Variants in MEI1 observed in about 807,000 individuals in gnomAD.
MEI1 encodes meiotic double-stranded break formation protein 1, also known as meiosis inhibitor protein 1.
Under a neutral mutation model 146.2 loss-of-function variants are expected in MEI1, and 103 were observed. The ratio of observed to expected loss-of-function variants is 0.70; its 90% CI spans 0.60 to 0.83. The LOEUF (loss-of-function observed/expected upper bound fraction) is 0.83. Ranked by LOEUF, MEI1 falls within the 40% of genes least tolerant of loss-of-function variation. The probability of loss-of-function intolerance (pLI) is 0.00; values close to 1 mark genes in which losing one functional copy is unlikely to be tolerated. For missense variants in MEI1, 1,529 were observed against 1,533.0 expected (o/e 1.00, Z 0.04); for synonymous variants, 652 against 628.2 (o/e 1.04, Z -0.57).
At chr22:41,735,422 C>T (rs568427251) in intron 11 of MEI1, among the ~76,000 whole-genome samples, 1 of 151,948 alleles carries the variant, frequency 6.6e-6, no homozygotes, top group African/African-American at 2.4e-5. Flanking sequence ...TTAGTAGAGA[C>T]GGGGTTTCTC....
At chr22:41,749,533 C>T (rs1330618352) in intron 15 of MEI1, among the ~76,000 whole-genome samples, 1 of 152,190 alleles carries the variant, frequency 6.6e-6, no homozygotes, top group Non-Finnish European at 1.5e-5. Flanking sequence ...CCTTGACCTC[C>T]CAAAGTGCTG....
chr22:41,766,857 G>A (rs935254699), intron 19 of MEI1, among the ~76,000 whole-genome samples: 12 of 152,170 alleles, frequency 7.9e-5, no homozygotes, highest in African/African-American at 2.9e-4. Context: ...AGAATTACTC[G>A]TGTAGATTCA....
At chr22:41,772,181 T>C (rs1340877905) in intron 20 of MEI1, among the ~76,000 whole-genome samples, 2 of 152,156 alleles carry the variant, frequency 1.3e-5, no homozygotes, top group African/African-American at 4.8e-5. Context: ...ACAGTGACAT[T>C]TGTATATCTA....
chr22:41,744,266 G>A lies in MEI1; in HGVS notation c.1447-707G>A, dbSNP rs569204059. Among the ~76,000 whole-genome samples, 4 of 152,106 alleles carry A rather than the reference G, an allele frequency of 2.6e-5. No individual in the cohort carries two copies. In the South Asian group the frequency reaches 8.3e-4, roughly 32 times the overall value. ...GCTCACTGCAACCTTCGCCTCCGGG[G>A]TTCAAGCAATTCTCCTGCCTCAGCC... On this transcript the variant is annotated intron_variant, in intron 12 of 30. Transcript: ENST00000401548.
At chr22:41,799,169 C>A in intron 30 of MEI1, 85 bp from the exon 31 acceptor site, 3 of 1,323,416 alleles carry the variant, frequency 2.3e-6, no homozygotes, top group South Asian at 1.2e-5. Flanking sequence ...CCTGACCATT[C>A]TTGACTGTTT....
chr22:41,776,538 G>T (rs1187136082), intron 21 of MEI1, among the ~76,000 whole-genome samples: 1 of 152,218 alleles, frequency 6.6e-6, no homozygotes, highest in East Asian at 1.9e-4. Flanking sequence ...CATGTGCTCA[G>T]TGTTGTTTGT....
In MEI1 at chr22:41,794,466, C is replaced by G. The variant is rs1304858702; in HGVS notation, c.3523C>G (p.Leu1175Val). 6.2e-7 allele frequency: 1 copy of G among 1,613,220 alleles called. No homozygotes were observed. The highest frequency in any genetic ancestry group is 8.5e-7 in the Non-Finnish European group (1 of 1,179,214). The stretch of plus-strand genomic sequence containing the variant: ...CTTCCTCAGACCTGAGATTTTGAGG[C>G]TCATGACCCTGGTAAGTGCAGAAAG... The part of the protein sequence containing the change: ...NSFLRPEILR[L>V]MTLFMRYRSS... The change falls in exon 28 of 31, where the codon CTC (leucine) becomes GTC (valine). Residue 1175 changes from leucine (L) to valine (V), a missense_variant. Coordinates refer to ENST00000401548, the MANE Select transcript of MEI1 (RefSeq NM_152513.4).
rs766469568 is a variant in MEI1 at position 41,784,372 on chromosome 22, G to C, written c.3121G>C (p.Val1041Leu). Residue 1041 changes from valine (V) to leucine (L), a missense_variant, in exon 25 of 31, where the codon GTA becomes CTA. Val to Leu is a conservative substitution (Grantham distance 32). Around this residue, in one of 3 missense-constraint regions of MEI1, gnomAD observed 313 missense variants for 337.3 expected, o/e 0.93. Transcript: ENST00000401548. ...HQTLSVEMDQ[V>L]LKALSFPKKK... ...GACACTCTCTGTGGAAATGGACCAAGTATTGAAGGCTCTCAGCTTTCCAAA... is the reference window on the plus strand; with the variant it reads ...GACACTCTCTGTGGAAATGGACCAACTATTGAAGGCTCTCAGCTTTCCAAA... 6.2e-6 allele frequency: 10 copies of C among 1,613,960 alleles called. No homozygotes were observed. The highest frequency in any genetic ancestry group is 5.9e-6 in the Non-Finnish European group (7 of 1,179,884).
chr22:41,709,159 A>G (rs772543244), intron 3 of MEI1: 2 of 731,884 alleles, frequency 2.7e-6, no homozygotes, highest in Non-Finnish European at 4.9e-6. Context: ...ACTTGATAAA[A>G]AATAGTATTT....
In MEI1 at chr22:41,730,525, C is replaced by T. The variant is rs1408889646; in HGVS notation, c.984C>T (p.Phe328=). Residue 328 remains phenylalanine (F), a synonymous_variant, in exon 9 of 31, where the codon TTC becomes TTT. Coordinates refer to ENST00000401548, the MANE Select transcript of MEI1 (RefSeq NM_152513.4). ...TCTCATCCTCTCCCTTGTTAGAGTT[C>T]CTCTTTGAGCATCTTTCTTCTTCCA... ...SAFIHADIPE[F]LFEHLSSSSE... 6.2e-7 allele frequency: 1 copy of T among 1,609,760 alleles called. No individual in the cohort carries two copies. Among genetic ancestry groups the T allele is most frequent in the Non-Finnish European group, 8.5e-7 (1 of 1,176,130 alleles).
chr22:41,731,477 C>T (rs187873564), intron 9 of MEI1, among the ~76,000 whole-genome samples: 47 of 152,312 alleles, frequency 3.1e-4, no homozygotes, highest in African/African-American at 1.1e-3. Context: ...GCCTCAGCCT[C>T]CCAGGTAGCT....
At position 41,706,210 on chromosome 22, in the gene MEI1, G is replaced by A. The variant is rs566990904; in HGVS notation, c.349+656G>A. The stretch of plus-strand genomic sequence containing the variant: ...AAAAAATTTCTTTTCGTTGAGACAG[G>A]GACTTACCATATTGACTAGGCTGGT... On this transcript the variant is annotated intron_variant, in intron 3 of 30. Coordinates refer to ENST00000401548, the MANE Select transcript of MEI1 (RefSeq NM_152513.4). 6.6e-5 allele frequency among the ~76,000 whole-genome samples: 10 copies of A among 152,136 alleles called. No homozygotes were observed. The East Asian group carries it at 1.9e-3, about 29-fold the overall frequency.
At chr22:41,723,651 A>T (rs957738784) in intron 6 of MEI1, among the ~76,000 whole-genome samples, 1 of 152,148 alleles carries the variant, frequency 6.6e-6, no homozygotes, top group Admixed American at 6.6e-5. Flanking sequence ...GAAAAAACTC[A>T]CATTATTCCT....
At chr22:41,768,582 G>A (rs1227169566) in intron 19 of MEI1, among the ~76,000 whole-genome samples, 2 of 152,138 alleles carry the variant, frequency 1.3e-5, no homozygotes, top group Admixed American at 6.6e-5. Flanking sequence ...AGTTTCACAG[G>A]CTATACAGGA....
chr22:41,769,376 T>C (rs1022485194), intron 19 of MEI1, among the ~76,000 whole-genome samples: 9 of 152,150 alleles, frequency 5.9e-5, no homozygotes, highest in Non-Finnish European at 1.5e-5. Context: ...AAGAATGAAG[T>C]TGGACTCTTA....
chr22:41,726,798 G>T (rs2071397773), intron 7 of MEI1, among the ~76,000 whole-genome samples: 1 of 150,930 alleles, frequency 6.6e-6, no homozygotes, highest in African/African-American at 2.4e-5. Flanking sequence ...TTTTGAGATG[G>T]AGTCTCGCTC....
chr22:41,742,280 C>T lies in MEI1; in HGVS notation c.1332-800C>T, dbSNP rs541444726. On this transcript the variant is annotated intron_variant, in intron 11 of 30. Transcript: ENST00000401548. ...ATCTCTGGATCTTAGTAACATTTACCTGTTGATCCTGGTTTTCCTCGTTGA... is the reference window on the plus strand; with the variant it reads ...ATCTCTGGATCTTAGTAACATTTACTTGTTGATCCTGGTTTTCCTCGTTGA... 5.3e-5 allele frequency among the ~76,000 whole-genome samples: 8 copies of T among 152,208 alleles called. No individual in the cohort carries two copies. In the East Asian group the frequency reaches 1.5e-3, roughly 29 times the overall value.
intron 8 of MEI1, 76 bp from the exon 9 acceptor site, chr22:41,730,443 TCC>T: frequency 1.1e-6 from 1 of 943,066 alleles, no homozygotes; most frequent in Non-Finnish European, 1.7e-6. Flanking sequence ...GCTGAATAAA[TCC>T]AAGGCCTTAG....
intron 7 of MEI1, among the ~76,000 whole-genome samples, chr22:41,727,490 G>A (rs1366021754): frequency 6.6e-6 from 1 of 152,166 alleles, no homozygotes; most frequent in African/African-American, 2.4e-5. Context: ...TGATGGGGGA[G>A]GCATCACAGT....
Sources: gnomAD v4.1 joint callset for allele counts (sites outside exome capture counted in the v4.1 genomes callset) on GRCh38, gnomAD v4.1.1 for gene constraint, gnomAD v4.1.1 regional missense constraint, MANE v1.5 for transcripts, NCBI Gene and HGNC (gene_info 2026-07-23, HGNC 2026-07-21) for gene names.